The following FBXL17 variants were observed in gnomAD, a reference collection of about 807,000 sequenced individuals.
FBXL17 encodes F-box/LRR-repeat protein 17.
A neutral mutation model predicts 66.2 loss-of-function variants in FBXL17; 22 were observed. The observed-to-expected ratio is 0.33, with a 90% CI of 0.24 to 0.47. FBXL17 has a LOEUF of 0.47. FBXL17 is among the 20% of genes least tolerant of loss of function. The pLI is 1.00. For synonymous variants in FBXL17, 474 were observed against 400.5 expected, an observed-to-expected ratio of 1.18 and a Z score of -2.19; for missense variants, 878 against 948.2, an observed-to-expected ratio of 0.93 and a Z score of 0.97.
chr5:108,060,942 G>A (rs541960002), intron 6 of FBXL17, among the ~76,000 whole-genome samples: 38 of 152,108 alleles, frequency 2.5e-4, no homozygotes, highest in Non-Finnish European at 3.7e-4. Context: ...AGAACCACAG[G>A]CCAACAACCA....
At chr5:108,092,001 C>A (rs1224240425) in intron 6 of FBXL17, among the ~76,000 whole-genome samples, 1 of 152,202 alleles carries the variant, frequency 6.6e-6, no homozygotes, top group Non-Finnish European at 1.5e-5. Context: ...GCCTGGTAAA[C>A]ACAATATCTT....
At chr5:108,148,855 A>C (rs1751660009) in intron 6 of FBXL17, among the ~76,000 whole-genome samples, 1 of 152,188 alleles carries the variant, frequency 6.6e-6, no homozygotes, top group Admixed American at 6.5e-5. Flanking sequence ...TTCTGGAAAA[A>C]ACAAAGAATG....
rs1226354532 is a variant in FBXL17, at chr5:108,381,025, C to CGCG, written c.666_667insCGC (p.Gly222_Gly223insArg). ...CCTCCCCCGCCACCGCCGCCGCCGC[C>CGCG]GCCGCCGCAGCCCCCGCCGCCGCAG... On this transcript the variant is annotated inframe_insertion, in exon 1 of 9. Transcript: ENST00000542267. 8.4e-7 allele frequency: 1 copy of CGCG among 1,190,784 alleles called. No homozygotes were observed. Among genetic ancestry groups the CGCG allele is most frequent in the Admixed American group, 4.5e-5 (1 of 22,162 alleles). The allele number at this position is 1,190,784 out of a possible 1,614,324, so 73.8% of individuals were successfully genotyped here.
chr5:107,993,585 A>T (rs1201779237), intron 7 of FBXL17, among the ~76,000 whole-genome samples: 2 of 152,158 alleles, frequency 1.3e-5, no homozygotes, highest in Non-Finnish European at 2.9e-5. Flanking sequence ...ACATATCTAA[A>T]AGCCAAGACC....
chr5:108,328,216 T>C (rs62359547), intron 4 of FBXL17, among the ~76,000 whole-genome samples: 2,296 of 152,250 alleles, frequency 0.015, 28 homozygotes, highest in South Asian at 0.026. Flanking sequence ...GTATATAGTA[T>C]TGAACATTAT....
intron 4 of FBXL17, among the ~76,000 whole-genome samples, chr5:108,300,609 G>A (rs888518701): frequency 6.6e-6 from 1 of 151,692 alleles, no homozygotes; most frequent in African/African-American, 2.4e-5. Context: ...AGAAGAAATA[G>A]TTTTATTTCA....
chr5:108,126,743 A>G (rs1750732122), intron 6 of FBXL17, among the ~76,000 whole-genome samples: 1 of 150,688 alleles, frequency 6.6e-6, no homozygotes, highest in African/African-American at 2.4e-5. Flanking sequence ...GGGTCAGATG[A>G]CAAAGCTCAC....
chr5:108,017,728 A>G (rs1263641339), intron 7 of FBXL17, among the ~76,000 whole-genome samples: 6 of 152,164 alleles, frequency 3.9e-5, no homozygotes, highest in African/African-American at 2.4e-5. Context: ...AGGAATGACA[A>G]TATTATATTT....
chr5:108,089,554 G>T (rs567047011), intron 6 of FBXL17, among the ~76,000 whole-genome samples: 17 of 152,112 alleles, frequency 1.1e-4, no homozygotes, highest in Non-Finnish European at 2.1e-4. Flanking sequence ...TCTGATTCTG[G>T]ACCTGCTCAC....
chr5:108,018,057 A>T (rs947162550), intron 7 of FBXL17, among the ~76,000 whole-genome samples: 1 of 152,090 alleles, frequency 6.6e-6, no homozygotes, highest in East Asian at 1.9e-4. Flanking sequence ...AAAAAAAAAT[A>T]AAAAATCTCA....
intron 6 of FBXL17, among the ~76,000 whole-genome samples, chr5:108,171,915 A>G (rs897991376): frequency 6.6e-6 from 1 of 151,508 alleles, no homozygotes; most frequent in Non-Finnish European, 1.5e-5. Context: ...TGGTTTTAAA[A>G]AGAGGAGTTC....
At chr5:108,194,339 CT>C (rs1561457535) in intron 5 of FBXL17, among the ~76,000 whole-genome samples, 1 of 152,088 alleles carries the variant, frequency 6.6e-6, no homozygotes, top group Admixed American at 6.6e-5. Context: ...CAAATCTCAT[CT>C]TCTCCACAAA....
chr5:107,915,041 G>A (rs540422211), intron 7 of FBXL17, among the ~76,000 whole-genome samples: 1 of 152,002 alleles, frequency 6.6e-6, no homozygotes, highest in East Asian at 1.9e-4. Context: ...TTTAGTCTTT[G>A]ATGAAGAAGA....
chr5:108,345,662 C>G (rs1463001111), intron 4 of FBXL17, among the ~76,000 whole-genome samples: 3 of 151,284 alleles, frequency 2.0e-5, no homozygotes, highest in African/African-American at 7.3e-5. Context: ...ACCACAACAT[C>G]AGCAGAAACC....
At chr5:108,298,883 G>A (rs1405689530) in intron 4 of FBXL17, 2 of 929,624 alleles carry the variant, frequency 2.2e-6, no homozygotes, top group Non-Finnish European at 1.3e-6. Flanking sequence ...TTTTTAAAAT[G>A]AGCCTTTTTT....
At chr5:108,343,812 A>C (rs1024235780) in intron 4 of FBXL17, among the ~76,000 whole-genome samples, 17 of 152,204 alleles carry the variant, frequency 1.1e-4, no homozygotes, top group Admixed American at 9.2e-4. Flanking sequence ...AAAACAGACT[A>C]GGTGATATTA....
intron 8 of FBXL17, among the ~76,000 whole-genome samples, chr5:107,868,446 T>G (rs186220975): frequency 1.3e-5 from 2 of 152,226 alleles, no homozygotes; most frequent in Non-Finnish European, 2.9e-5. Context: ...GTGGGTTGCA[T>G]GAGACTTTGA....
chr5:108,102,676 C>A (rs1378117951), intron 6 of FBXL17, among the ~76,000 whole-genome samples: 1 of 152,116 alleles, frequency 6.6e-6, no homozygotes, highest in Non-Finnish European at 1.5e-5. Context: ...TTAAGTTCAC[C>A]ATTGCACAAT....
intron 7 of FBXL17, among the ~76,000 whole-genome samples, chr5:107,936,815 T>A (rs1750921586): frequency 6.6e-6 from 1 of 152,116 alleles, no homozygotes; most frequent in Admixed American, 6.6e-5. Context: ...AAGACGACTT[T>A]TTAAAATATT....
Sources: gnomAD v4.1 joint callset for allele counts (sites outside exome capture counted in the v4.1 genomes callset) on GRCh38, gnomAD v4.1.1 for gene constraint, MANE v1.5 for transcripts, NCBI Gene and HGNC (gene_info 2026-07-23, HGNC 2026-07-21) for gene names.